Variants in SRGAP2C observed in about 807,000 individuals in gnomAD.
SRGAP2C encodes the protein SLIT-ROBO Rho GTPase-activating protein 2C.
SRGAP2C carries 15 observed loss-of-function variants against 25.1 expected under a neutral mutation model. The observed-to-expected ratio is 0.60, with a 90% CI of 0.40 to 0.92. The LOEUF is 0.92. Ranked by LOEUF, SRGAP2C falls within the 40% of genes least tolerant of loss-of-function variation. The pLI is 0.00. For synonymous variants in SRGAP2C, 44 were observed against 96.6 expected (o/e 0.46, Z 3.19); for missense variants, 144 against 264.4 (o/e 0.54, Z 3.16).
intron 3 of SRGAP2C, among the ~76,000 whole-genome samples, chr1:121,302,254 C>T: frequency 1.3e-5 from 2 of 151,182 alleles, no homozygotes; most frequent in South Asian, 4.2e-4. Flanking sequence ...TATACACTTA[C>T]TGCCAAAGGA....
chr1:121,338,535 C>A (rs1658571177), intron 4 of SRGAP2C, among the ~76,000 whole-genome samples: 1 of 136,582 alleles, frequency 7.3e-6, no homozygotes, highest in Non-Finnish European at 1.6e-5. Context: ...TTAAGCCCAG[C>A]CCTTGGGGTT....
At chr1:121,208,338 G>C (rs1282840870) in intron 2 of SRGAP2C, among the ~76,000 whole-genome samples, 4 of 151,714 alleles carry the variant, frequency 2.6e-5, no homozygotes, top group Non-Finnish European at 5.9e-5. Context: ...CCCAAGTTCA[G>C]GTTGCCCTTA....
intron 4 of SRGAP2C, among the ~76,000 whole-genome samples, chr1:121,345,895 C>A (rs1553343787): frequency 7.6e-6 from 1 of 132,278 alleles, no homozygotes; most frequent in African/African-American, 2.8e-5. Flanking sequence ...AGGTGATCCA[C>A]CCGCCTCGGC....
chr1:121,285,398 T>TCACACA (rs1183882272), intron 3 of SRGAP2C, among the ~76,000 whole-genome samples: 32 of 64,440 alleles, frequency 5.0e-4, no homozygotes, highest in East Asian at 2.3e-3. Context: ...TCTGTCTCTC[T>TCACACA]CTCTCTCACA....
intron 2 of SRGAP2C, among the ~76,000 whole-genome samples, chr1:121,272,440 T>C (rs1169842382): frequency 6.6e-6 from 1 of 151,596 alleles, no homozygotes; most frequent in African/African-American, 2.4e-5. Context: ...GTGGATAGCA[T>C]CTCTAGATGA....
chr1:121,344,190 TC>T, intron 4 of SRGAP2C, among the ~76,000 whole-genome samples: 1 of 149,892 alleles, frequency 6.7e-6, no homozygotes, highest in East Asian at 2.0e-4. Context: ...GTTCTGACTC[TC>T]TGGGGCAGAT....
intron 3 of SRGAP2C, among the ~76,000 whole-genome samples, chr1:121,310,300 G>A (rs1657952919): frequency 1.3e-5 from 1 of 77,188 alleles, no homozygotes; most frequent in African/African-American, 6.1e-5. Context: ...ATTTGTTTGA[G>A]TTCATTGTAG....
chr1:121,285,288 A>G (rs1433466457), intron 3 of SRGAP2C, among the ~76,000 whole-genome samples: 5 of 150,700 alleles, frequency 3.3e-5, no homozygotes, highest in Admixed American at 1.3e-4. Flanking sequence ...CTTAATCCCA[A>G]CAACTCCATA....
At chr1:121,249,564 ATATATATATATATATAT>A (rs1440777899) in intron 2 of SRGAP2C, among the ~76,000 whole-genome samples, 3 of 31,642 alleles carry the variant, frequency 9.5e-5, no homozygotes, top group African/African-American at 3.8e-4. Context: ...ATATATATAT[ATATATATATATATATAT>A]TTTTTTTTTT....
In SRGAP2C at chr1:121,284,862, G is replaced by T; in HGVS notation, c.127G>T (p.Val43Leu). 8.8e-7 allele frequency: 1 copy of T among 1,131,466 alleles called. No homozygotes were observed. Among genetic ancestry groups the T allele is most frequent in the Non-Finnish European group, 1.3e-6 (1 of 782,906 alleles). 70.1% of individuals were successfully genotyped at this position (1,131,466 alleles called of 1,614,324 possible). A position where few individuals can be genotyped will look rare whatever the true frequency, so the allele number is the denominator to read the frequency against. ...KCLDQQCELRVQLLQDLQDFF... is the reference protein window; with the variant it reads ...KCLDQQCELRLQLLQDLQDFF... ...CCTGGACCAGCAGTGTGAGCTTCGG[G>T]TGCAACTGTTGCAGGACCTCCAGGA... is the stretch of plus-strand genomic sequence containing the variant. Residue 43 changes from valine to leucine, a missense_variant, in exon 3 of 10, where the codon GTG becomes TTG. Val to Leu is a conservative substitution (Grantham distance 32). Transcript: ENST00000367123.
At chr1:121,237,442 T>A (rs1655986255) in intron 2 of SRGAP2C, among the ~76,000 whole-genome samples, 1 of 152,204 alleles carries the variant, frequency 6.6e-6, no homozygotes, top group South Asian at 2.1e-4. Context: ...TTCAGGACTG[T>A]GCTAACTTAC....
rs1320142072 is a variant in SRGAP2C, at chr1:121,284,971, G to A, written c.236G>A (p.Arg79His). ...KLAEHFLAKT[R>H]STKDQQFKKD... ...GCAGAACACTTCCTGGCCAAGACAC[G>A]CAGCACCAAGGACCAGCAATTCAAG... Residue 79 changes from arginine to histidine, a missense_variant, in exon 3 of 10, where the codon CGC (arginine) becomes CAC (histidine). Coordinates refer to ENST00000367123, the MANE Select transcript of SRGAP2C (RefSeq NM_001329984.2). The A allele has an allele frequency of 3.0e-5, 47 of 1,541,840 alleles. 3 individuals carry two copies. Among genetic ancestry groups the A allele is most frequent in the Non-Finnish European group, 3.8e-5 (43 of 1,142,466 alleles).
At chr1:121,235,003 C>T (rs1383070591) in intron 2 of SRGAP2C, among the ~76,000 whole-genome samples, 1 of 150,270 alleles carries the variant, frequency 6.7e-6, no homozygotes, top group Non-Finnish European at 1.5e-5. Context: ...CTCTCTCTCT[C>T]TTTCTTTCTC....
rs369079661 is a variant in SRGAP2C, at chr1:121,260,345, C to G, written c.68-24458C>G. ...GGCCTTAAGGTGGAGCCCTAAGGCT[C>G]AAGTGTGCTTGGTGTATTTGAGGAA... On this transcript the variant is annotated intron_variant, in intron 2 of 9. Coordinates refer to ENST00000367123, the MANE Select transcript of SRGAP2C (RefSeq NM_001329984.2). Among the ~76,000 whole-genome samples the G allele has an allele frequency of 6.6e-5, 10 of 151,922 alleles. No homozygotes were observed. In the East Asian group the frequency reaches 1.2e-3, roughly 18 times the overall value.
chr1:121,316,864 A>G lies in SRGAP2C; in HGVS notation c.261-7614A>G, dbSNP rs1285334283. Among the ~76,000 whole-genome samples, 98 of 147,586 alleles carry G rather than the reference A, an allele frequency of 6.6e-4. 1 individual carries two copies. Among genetic ancestry groups the G allele is most frequent in the Non-Finnish European group, 1.4e-3 (92 of 66,862 alleles). Reference sequence around the variant, plus strand: ...ATGGATTATATTGGGGTGGCATTGTAGCATGTAGATTGTACCAAGAGGGTT... The same window carrying G: ...ATGGATTATATTGGGGTGGCATTGTGGCATGTAGATTGTACCAAGAGGGTT... On this transcript the variant is annotated intron_variant, in intron 3 of 9. Coordinates refer to ENST00000367123, the MANE Select transcript of SRGAP2C (RefSeq NM_001329984.2).
intron 2 of SRGAP2C, among the ~76,000 whole-genome samples, chr1:121,192,011 T>C (rs1179449386): frequency 6.6e-6 from 1 of 151,542 alleles, no homozygotes; most frequent in African/African-American, 2.4e-5. Context: ...TGCAGGCCTT[T>C]GCTTGGAACA....
At chr1:121,249,580 AT>A (rs1159053572) in intron 2 of SRGAP2C, among the ~76,000 whole-genome samples, 529 of 22,090 alleles carry the variant, frequency 0.024, 1 homozygote, top group Middle Eastern at 0.033. Context: ...ATATATATAT[AT>A]TTTTTTTTTT....
intron 2 of SRGAP2C, among the ~76,000 whole-genome samples, chr1:121,195,223 C>T (rs1553320407): frequency 6.6e-6 from 1 of 152,134 alleles, no homozygotes; most frequent in Non-Finnish European, 1.5e-5. Flanking sequence ...CCAGCCTGGC[C>T]AACATGGTAA....
intron 2 of SRGAP2C, among the ~76,000 whole-genome samples, chr1:121,276,745 TA>T (rs1403051328): frequency 1.9e-5 from 1 of 52,836 alleles, no homozygotes; most frequent in African/African-American, 8.8e-5. Flanking sequence ...TTTTTATTTT[TA>T]TTTTTTGAGA....
Sources: allele counts gnomAD v4.1 joint callset (sites outside exome capture counted in the v4.1 genomes callset), GRCh38; gene constraint gnomAD v4.1.1; transcripts MANE v1.5; gene names NCBI Gene and HGNC (gene_info 2026-07-23, HGNC 2026-07-21).